The following IRS2 variants were observed in gnomAD, a reference collection of about 807,000 sequenced individuals.
IRS2 encodes the protein insulin receptor substrate 2.
IRS2 carries 28 observed loss-of-function variants against 70.9 expected under a neutral mutation model. The observed-to-expected ratio is 0.39, with a 90% confidence interval of 0.29 to 0.54. The LOEUF (loss-of-function observed/expected upper bound fraction) is 0.54. Among genes scored for constraint, IRS2 ranks in the 20% least tolerant of loss-of-function variants. The pLI is 0.59. For missense variants in IRS2, 2,081 were observed against 2,024.1 expected (o/e 1.03, Z -0.54); for synonymous variants, 1,217 against 981.9 (o/e 1.24, Z -4.48).
rs1877898493 is a variant in IRS2, at chr13:109,785,637, G to T, written c.417C>A (p.Leu139=). The T allele has an allele frequency of 2.6e-6, 4 of 1,546,592 alleles. No homozygotes were observed. Among genetic ancestry groups the T allele is most frequent in the Non-Finnish European group, 3.5e-6 (4 of 1,151,418 alleles). The change falls in exon 1 of 2, where the codon CTC becomes CTA. Residue 139 remains leucine, a synonymous_variant. Coordinates refer to ENST00000375856, the MANE Select transcript of IRS2 (RefSeq NM_003749.3). The surrounding 1 kb of genome is among the most constrained non-coding windows in gnomAD (Gnocchi z 9.3). ...EQEQEGWYRA[L]TDLVSEGRAA... Reference sequence around the variant, plus strand: ...CGCGGCCCTCGCTGACCAGGTCGGTGAGCGCGCGGTACCAGCCCTCCTGCT... The same window carrying T: ...CGCGGCCCTCGCTGACCAGGTCGGTTAGCGCGCGGTACCAGCCCTCCTGCT...
In IRS2 at chr13:109,782,573, CG is replaced by C; in HGVS notation, c.3480del (p.Val1161CysfsTer98). ...ETFSSTTTVTPVSPSFAHNPK... is the reference protein window; with the variant it reads ...ETFSSTTTVTXVSPSFAHNPK... The stretch of plus-strand genomic sequence containing the variant: ...GGGTTGTGGGCGAAGGACGGGGACA[CG>C]GGGGTGACCGTCGTGGTGGAGGAGA... On this transcript the variant is annotated frameshift_variant, in exon 1 of 2. Coordinates refer to ENST00000375856, the MANE Select transcript of IRS2 (RefSeq NM_003749.3). LOFTEE classifies it high-confidence loss of function. 1 of 1,570,500 alleles carries C rather than the reference CG, an allele frequency of 6.4e-7. No individual in the cohort carries two copies. Among genetic ancestry groups the C allele is most frequent in the Non-Finnish European group, 8.6e-7 (1 of 1,158,352 alleles).
At chr13:109,767,823 C>T (rs1422017052) in intron 1 of IRS2, among the ~76,000 whole-genome samples, 1 of 147,686 alleles carries the variant, frequency 6.8e-6, no homozygotes, top group Admixed American at 6.9e-5. Flanking sequence ...ACCTCCGCTT[C>T]ACGGGTTCCA....
rs759219550 is a variant in IRS2 at position 109,782,251 on chromosome 13, G to A, written c.3803C>T (p.Pro1268Leu). Residue 1268 changes from proline to leucine, a missense_variant, in exon 1 of 2, where the codon CCG becomes CTG. Transcript: ENST00000375856. ...VREEPGLPPQPQPPPPPLPQP... is the reference protein window; with the variant it reads ...VREEPGLPPQLQPPPPPLPQP... Reference sequence around the variant, plus strand: ...AGGAAGCGGCGGCGGCGGCGGCTGCGGCTGGGGTGGCAGCCCGGGCTCCTC... The same window carrying A: ...AGGAAGCGGCGGCGGCGGCGGCTGCAGCTGGGGTGGCAGCCCGGGCTCCTC... 3.7e-6 allele frequency: 6 copies of A among 1,607,046 alleles called. No homozygotes were observed. The African/African-American group carries it at 4.0e-5, about 11-fold the overall frequency.
chr13:109,782,008 T>C (rs1228310442), intron 1 of IRS2, 34 bp downstream of exon 1: 5 of 1,607,706 alleles, frequency 3.1e-6, no homozygotes, highest in Non-Finnish European at 4.2e-6. Flanking sequence ...CGCCCCTCCT[T>C]CCCGCCAGAC....
At position 109,783,740 on chromosome 13, in the gene IRS2, T is replaced by C; in HGVS notation, c.2314A>G (p.Ser772Gly). 6.3e-7 allele frequency: 1 copy of C among 1,586,664 alleles called. No homozygotes were observed. The highest frequency in any genetic ancestry group is 8.6e-7 in the Non-Finnish European group (1 of 1,166,706). Residue 772 changes from serine to glycine, a missense_variant, in exon 1 of 2, where the codon AGC (serine) becomes GGC (glycine). Ser to Gly is a moderately conservative substitution (Grantham distance 56, BLOSUM62 0). This residue lies in a region of IRS2 where 1,615 missense variants were observed against 1,459.5 expected (regional missense o/e 1.11). Coordinates refer to ENST00000375856, the MANE Select transcript of IRS2 (RefSeq NM_003749.3). ...PNGDYLNVSP[S>G]DAVTTGTPPD... is the part of the protein sequence containing the mutation. The stretch of plus-strand genomic sequence containing the variant: ...GGGGTGCCCGTGGTGACCGCGTCGC[T>C]GGGGGACACGTTGAGGTAGTCCCCG...
At chr13:109,781,627 G>A (rs754381842) in intron 1 of IRS2, among the ~76,000 whole-genome samples, 1 of 152,208 alleles carries the variant, frequency 6.6e-6, no homozygotes, top group Non-Finnish European at 1.5e-5. Flanking sequence ...TGAAAGCTGC[G>A]GCTGAGGGCA....
chr13:109,784,101 G>A lies in IRS2; in HGVS notation c.1953C>T (p.Asp651=), dbSNP rs370795522. The A allele has an allele frequency of 1.1e-5, 18 of 1,592,576 alleles. No individual in the cohort carries two copies. The South Asian group carries it at 1.7e-4, about 15-fold the overall frequency. ...RSSSSNLGAD[D]GYMPMTPGAA... Reference sequence around the variant, plus strand: ...CGCCGGGCGTCATGGGCATGTAGCCGTCGTCTGCCCCCAGGTTGCTGCTGG... The same window carrying A: ...CGCCGGGCGTCATGGGCATGTAGCCATCGTCTGCCCCCAGGTTGCTGCTGG... The change falls in exon 1 of 2, where the codon GAC becomes GAT. Residue 651 remains aspartate (D), a synonymous_variant. Transcript: ENST00000375856. The surrounding 1 kb of genome is among the most constrained non-coding windows in gnomAD (Gnocchi z 5.2).
intron 1 of IRS2, among the ~76,000 whole-genome samples, chr13:109,770,744 G>A (rs1877435462): frequency 6.6e-6 from 1 of 152,200 alleles, no homozygotes; most frequent in South Asian, 2.1e-4. Flanking sequence ...AGGGAACAGA[G>A]GCCAGGCTTC....
At chr13:109,769,520 T>C (rs1877406660) in intron 1 of IRS2, among the ~76,000 whole-genome samples, 1 of 152,180 alleles carries the variant, frequency 6.6e-6, no homozygotes, top group East Asian at 1.9e-4. Context: ...CCTACTTGGA[T>C]TCCTCCCTTA....
chr13:109,770,044 C>T (rs9515120), intron 1 of IRS2, among the ~76,000 whole-genome samples: 6,739 of 152,272 alleles, frequency 0.044, 254 homozygotes, highest in Non-Finnish European at 0.062. Context: ...GTGACTAACT[C>T]CCCCATCAGC....
chr13:109,783,401 C>A lies in IRS2; in HGVS notation c.2653G>T (p.Gly885Cys). 1 of 1,477,796 alleles carries A rather than the reference C, an allele frequency of 6.8e-7. No individual in the cohort carries two copies. The highest frequency in any genetic ancestry group is 8.9e-7 in the Non-Finnish European group (1 of 1,124,838). 91.5% of individuals were successfully genotyped at this position (1,477,796 alleles called of 1,614,324 possible). ...AGGCGCGTGGGCCTCACCGCCCGGCCGCGCTGGCCCAAGAAGCCCTCCGGG... is the reference window on the plus strand; with the variant it reads ...AGGCGCGTGGGCCTCACCGCCCGGCAGCGCTGGCCCAAGAAGCCCTCCGGG... ...GRPEGFLGQRGRAVRPTRLSL... is the reference protein window; with the variant it reads ...GRPEGFLGQRCRAVRPTRLSL... Residue 885 changes from glycine to cysteine, a missense_variant, in exon 1 of 2, where the codon GGC becomes TGC. Gly to Cys is a radical substitution (Grantham distance 159). This residue lies in a region of IRS2 where 1,615 missense variants were observed against 1,459.5 expected (regional missense o/e 1.11). Transcript: ENST00000375856.
At chr13:109,774,486 G>A (rs1055090698) in intron 1 of IRS2, among the ~76,000 whole-genome samples, 2 of 152,158 alleles carry the variant, frequency 1.3e-5, no homozygotes, top group African/African-American at 4.8e-5. Flanking sequence ...AAAAGGGGGA[G>A]ATGATTAACT....
At chr13:109,775,616 T>G (rs1296358366) in intron 1 of IRS2, among the ~76,000 whole-genome samples, 1 of 152,026 alleles carries the variant, frequency 6.6e-6, no homozygotes, top group African/African-American at 2.4e-5. Context: ...TGTATAGGGA[T>G]AAAGTAGCAG....
chr13:109,757,295 C>A (rs1877128655), intron 1 of IRS2, among the ~76,000 whole-genome samples: 2 of 152,218 alleles, frequency 1.3e-5, no homozygotes, highest in Non-Finnish European at 2.9e-5. Context: ...GTGAGCACCG[C>A]TTTGCTCTCA....
chr13:109,756,281 T>C lies in IRS2; in HGVS notation c.*23A>G. 6.3e-7 allele frequency: 1 copy of C among 1,599,920 alleles called. No homozygotes were observed. Among genetic ancestry groups the C allele is most frequent in the Non-Finnish European group, 8.6e-7 (1 of 1,167,032 alleles). ...TGATACTCTCTGACATGTGACATCC[T>C]GGTGATAAAGCCAGACAGATCTTCA... On this transcript the variant is annotated 3_prime_UTR_variant, in exon 2 of 2. Coordinates refer to ENST00000375856, the MANE Select transcript of IRS2 (RefSeq NM_003749.3).
intron 1 of IRS2, among the ~76,000 whole-genome samples, chr13:109,772,986 C>A (rs1025848244): frequency 2.4e-4 from 36 of 152,142 alleles, no homozygotes; most frequent in Non-Finnish European, 4.8e-4. Flanking sequence ...TGAGCCACCG[C>A]GCCCGGCCGC....
chr13:109,774,985 G>A (rs575657870), intron 1 of IRS2, among the ~76,000 whole-genome samples: 1 of 152,006 alleles, frequency 6.6e-6, no homozygotes, highest in Non-Finnish European at 1.5e-5. Context: ...CAAGTTGTGG[G>A]ATTATCTGTT....
intron 1 of IRS2, among the ~76,000 whole-genome samples, chr13:109,779,442 C>G (rs191160271): frequency 1.3e-5 from 2 of 152,206 alleles, no homozygotes; most frequent in Admixed American, 1.3e-4. Flanking sequence ...CTACTGTGAA[C>G]TCTGTATTTA....
intron 1 of IRS2, among the ~76,000 whole-genome samples, chr13:109,767,085 G>C (rs573231390): frequency 6.6e-6 from 1 of 152,342 alleles, no homozygotes; most frequent in East Asian, 1.9e-4. Flanking sequence ...GACATGGAGG[G>C]AGGTTTGGAT....
Sources: gnomAD v4.1 joint callset for allele counts (sites outside exome capture counted in the v4.1 genomes callset) on GRCh38, gnomAD v4.1.1 for gene constraint, gnomAD v4.1.1 regional missense constraint, Gnocchi (gnomAD v3.1) non-coding constraint, MANE v1.5 for transcripts, NCBI Gene and HGNC (gene_info 2026-07-23, HGNC 2026-07-21) for gene names.